EGF: variants seen among roughly 807,000 people sequenced by gnomAD.
The protein encoded by EGF is pro-epidermal growth factor.
EGF carries 95 observed loss-of-function variants against 143.8 expected under a neutral mutation model. The ratio of observed to expected loss-of-function variants is 0.66; its 90% CI spans 0.56 to 0.78. The LOEUF (loss-of-function observed/expected upper bound fraction) is 0.78, where lower values mean the gene tolerates loss of function less well. Among genes scored for constraint, EGF ranks in the 30% least tolerant of loss-of-function variants. EGF has a pLI of 0.00. For synonymous variants in EGF, 510 were observed against 510.5 expected (o/e 1.00, Z 0.01); for missense variants, 1,320 against 1,470.9 (o/e 0.90, Z 1.68).
intron 9 of EGF, among the ~76,000 whole-genome samples, 195 bp downstream of exon 9, chr4:109,963,493 T>C (rs1399064149): frequency 6.6e-6 from 1 of 152,224 alleles, no homozygotes; most frequent in East Asian, 1.9e-4. Context: ...CTATTTCTAT[T>C]CTTAATTAGC....
At chr4:109,956,402 G>A (rs1267794754) in intron 5 of EGF, among the ~76,000 whole-genome samples, 1 of 152,136 alleles carries the variant, frequency 6.6e-6, no homozygotes, top group African/African-American at 2.4e-5. Flanking sequence ...AGAAAGTGTA[G>A]CATTTCAGTG....
At chr4:110,004,312 G>C in intron 21 of EGF, 193 bp from the exon 22 acceptor site, 2 of 671,060 alleles carry the variant, frequency 3.0e-6, no homozygotes, top group South Asian at 3.2e-5. Flanking sequence ...TGTCTGGAAA[G>C]CATTTTGAGT....
In EGF at chr4:109,994,879, A is replaced by C. The variant is rs1215580058; in HGVS notation, c.3004A>C (p.Asn1002His). 1.2e-6 allele frequency: 2 copies of C among 1,614,030 alleles called. No homozygotes were observed. The highest frequency in any genetic ancestry group is 1.7e-6 in the Non-Finnish European group (2 of 1,179,982). The stretch of plus-strand genomic sequence containing the variant: ...TGAAGCATTGGACAAGTATGCATGC[A>C]AGTAAGTTAAACTGTCTTGCTGATG... ...YIEALDKYAC[N>H]CVVGYIGERC... is the part of the protein sequence containing the mutation. Residue 1002 changes from asparagine (N) to histidine (H), a missense_variant and splice_region_variant, in exon 20 of 24, where the codon AAC becomes CAC. By Grantham distance (68) the Asn-to-His change is moderately conservative. This residue lies in a region of EGF where 1,186 missense variants were observed against 1,313.7 expected (regional missense o/e 0.90). Transcript: ENST00000265171.
intron 18 of EGF, among the ~76,000 whole-genome samples, chr4:109,992,761 G>A (rs1226398436): frequency 6.6e-6 from 1 of 152,044 alleles, no homozygotes; most frequent in Non-Finnish European, 1.5e-5. Flanking sequence ...GGAATACTAT[G>A]CAACCATAAA....
At chr4:110,004,667 A>T (rs746416789) in intron 22 of EGF, 45 bp downstream of exon 22, 1 of 1,538,080 alleles carries the variant, frequency 6.5e-7, no homozygotes, top group African/African-American at 1.4e-5. Context: ...GCTTGATATT[A>T]ACCCCTATTC....
At chr4:109,997,709 C>G (rs1173122284) in intron 20 of EGF, among the ~76,000 whole-genome samples, 1 of 152,024 alleles carries the variant, frequency 6.6e-6, no homozygotes, top group African/African-American at 2.4e-5. Context: ...CTGGGCCTCC[C>G]AAAGTTAGCC....
At chr4:109,938,642 T>C (rs1026348988) in intron 1 of EGF, among the ~76,000 whole-genome samples, 4 of 152,242 alleles carry the variant, frequency 2.6e-5, no homozygotes, top group Admixed American at 1.3e-4. Context: ...TTTCTTCCCA[T>C]CTTAGCGGTT....
At chr4:109,938,173 T>C (rs1208799420) in intron 1 of EGF, among the ~76,000 whole-genome samples, 3 of 152,246 alleles carry the variant, frequency 2.0e-5, no homozygotes, top group African/African-American at 7.2e-5. Flanking sequence ...ATTTGGTCTT[T>C]TCACATAGTT....
At chr4:109,956,049 TTC>T (rs1296348355) in intron 5 of EGF, among the ~76,000 whole-genome samples, 3 of 152,232 alleles carry the variant, frequency 2.0e-5, no homozygotes, top group Non-Finnish European at 4.4e-5. Flanking sequence ...GACAGTTTGA[TTC>T]TCTGTTACCA....
intron 12 of EGF, 96 bp downstream of exon 12, chr4:109,974,903 C>G: frequency 2.3e-6 from 2 of 882,756 alleles, no homozygotes; most frequent in South Asian, 2.9e-5. Flanking sequence ...CAAGAAAATC[C>G]ATGCAATTTG....
intron 8 of EGF, 138 bp downstream of exon 8, chr4:109,962,123 TA>T (rs1308794526): frequency 7.1e-7 from 1 of 1,414,290 alleles, no homozygotes; most frequent in Non-Finnish European, 9.7e-7. Flanking sequence ...TACAACAGAT[TA>T]ACATAGATTT....
chr4:109,950,681 T>G (rs571847923), intron 5 of EGF, among the ~76,000 whole-genome samples: 1 of 152,188 alleles, frequency 6.6e-6, no homozygotes, highest in Non-Finnish European at 1.5e-5. Context: ...TTTCCTTTCA[T>G]GAGGCACACT....
chr4:109,957,668 G>C (rs1485323638), intron 5 of EGF, among the ~76,000 whole-genome samples: 1 of 152,202 alleles, frequency 6.6e-6, no homozygotes, highest in African/African-American at 2.4e-5. Flanking sequence ...ACAGTCTCAG[G>C]CCCTCTGCCT....
In EGF at chr4:109,932,379, A is replaced by AAT. The variant is rs1560643498; in HGVS notation, c.128-8567_128-8566insAT. The stretch of plus-strand genomic sequence containing the variant: ...TTTAGTCATATATATATATATATAA[A>AAT]TTTTTTTTTTTTTTTTTGAGACGGA... On this transcript the variant is annotated intron_variant, in intron 1 of 23. Coordinates refer to ENST00000265171, the MANE Select transcript of EGF (RefSeq NM_001963.6). Among the ~76,000 whole-genome samples, 977 of 113,482 alleles carry AAT rather than the reference A, an allele frequency of 8.6e-3. 37 individuals are homozygous for AAT. The highest frequency in any genetic ancestry group is 0.035 in the African/African-American group (908 of 25,586). 74.4% of individuals were successfully genotyped at this position (113,482 alleles called of 152,430 possible). A position where few individuals can be genotyped will look rare whatever the true frequency, so the allele number is the denominator to read the frequency against.
rs564730270 is a variant in EGF, at chr4:109,964,281, T to A, written c.1439-120T>A. 13 of 1,425,000 alleles carry A rather than the reference T, an allele frequency of 9.1e-6. No homozygotes were observed. The South Asian group carries it at 1.5e-4, about 17-fold the overall frequency. 88.3% of individuals were successfully genotyped at this position (1,425,000 alleles called of 1,614,324 possible). ...CACCTATACCACACTAGAGGGAAAT[T>A]AAGAAAACAAGTACTGTAGAAATTG... On this transcript the variant is annotated intron_variant, in intron 9 of 23. Transcript: ENST00000265171.
At chr4:109,939,574 G>T (rs1741553492) in intron 1 of EGF, among the ~76,000 whole-genome samples, 1 of 152,218 alleles carries the variant, frequency 6.6e-6, no homozygotes, top group South Asian at 2.1e-4. Context: ...CCAGTGGGAT[G>T]AACCAGGTAC....
At position 110,008,187 on chromosome 4, in the gene EGF, T is replaced by G. The variant is rs1195942729; in HGVS notation, c.3327T>G (p.Asn1109Lys). Reference sequence around the variant, plus strand: ...TAAAAGAACACCAAGACCTCAAGAATGGGGGTCAACCAGTGGCTGGTGAGG... The same window carrying G: ...TAAAAGAACACCAAGACCTCAAGAAGGGGGGTCAACCAGTGGCTGGTGAGG... ...VVIKEHQDLKNGGQPVAGEDG... is the reference protein window; with the variant it reads ...VVIKEHQDLKKGGQPVAGEDG... The change falls in exon 23 of 24, where the codon AAT becomes AAG. Residue 1109 changes from asparagine to lysine, a missense_variant. Coordinates refer to ENST00000265171, the MANE Select transcript of EGF (RefSeq NM_001963.6). 6.2e-7 allele frequency: 1 copy of G among 1,614,058 alleles called. No individual in the cohort carries two copies. Among genetic ancestry groups the G allele is most frequent in the South Asian group, 1.1e-5 (1 of 91,080 alleles).
chr4:109,986,088 G>A (rs1249877300), intron 16 of EGF, among the ~76,000 whole-genome samples: 1 of 152,108 alleles, frequency 6.6e-6, no homozygotes, highest in Non-Finnish European at 1.5e-5. Flanking sequence ...TTAGAGAAGA[G>A]GAATGTGAAC....
intron 21 of EGF, chr4:110,001,790 G>A (rs769020294): frequency 7.7e-5 from 76 of 985,278 alleles, no homozygotes; most frequent in Non-Finnish European, 9.0e-5. Context: ...AATCAGAAGT[G>A]AAAGGACTAT....
Sources: allele counts gnomAD v4.1 joint callset (sites outside exome capture counted in the v4.1 genomes callset), GRCh38; gene constraint gnomAD v4.1.1; regional missense constraint gnomAD v4.1.1; transcripts MANE v1.5; gene names NCBI Gene and HGNC (gene_info 2026-07-23, HGNC 2026-07-21).